The following MLLT3 variants were observed in gnomAD, a reference collection of about 807,000 sequenced individuals.
The protein encoded by MLLT3 is MLLT3 super elongation complex subunit, also known as protein AF-9.
A neutral mutation model predicts 53.2 loss-of-function variants in MLLT3; 4 were observed. The observed-to-expected ratio is 0.08, with a 90% CI of 0.04 to 0.17. The LOEUF (loss-of-function observed/expected upper bound fraction) is 0.17, where lower values mean the gene tolerates loss of function less well. MLLT3 is among the 10% of genes least tolerant of loss of function. The pLI is 1.00. For missense variants in MLLT3, 569 were observed against 684.0 expected, an observed-to-expected ratio of 0.83 and a Z score of 1.87; for synonymous variants, 283 against 230.6, an observed-to-expected ratio of 1.23 and a Z score of -2.06.
intron 2 of MLLT3, among the ~76,000 whole-genome samples, chr9:20,609,344 G>A (rs775901794): frequency 6.6e-6 from 1 of 151,968 alleles, no homozygotes; most frequent in Non-Finnish European, 1.5e-5. Flanking sequence ...ATTCTTATAT[G>A]TATGTATGCA....
intron 4 of MLLT3, among the ~76,000 whole-genome samples, chr9:20,421,131 GC>G (rs1300946113): frequency 6.6e-6 from 1 of 152,100 alleles, no homozygotes; most frequent in African/African-American, 2.4e-5. Flanking sequence ...GGGCCAGGTG[GC>G]GAGGGCCTGT....
intron 2 of MLLT3, among the ~76,000 whole-genome samples, chr9:20,550,043 C>T (rs138782848): frequency 6.6e-6 from 1 of 152,198 alleles, no homozygotes; most frequent in Admixed American, 6.5e-5. Flanking sequence ...CTTCTAATAT[C>T]ATGAACTCCA....
intron 4 of MLLT3, among the ~76,000 whole-genome samples, chr9:20,436,385 C>A (rs1823404486): frequency 6.6e-6 from 1 of 152,080 alleles, no homozygotes; most frequent in South Asian, 2.1e-4. Context: ...ATTGTATTTT[C>A]AGAAGCAAGA....
chr9:20,484,200 C>A (rs1025293715), intron 2 of MLLT3, among the ~76,000 whole-genome samples: 2 of 152,036 alleles, frequency 1.3e-5, no homozygotes, highest in African/African-American at 4.8e-5. Context: ...TCCAGTCAAG[C>A]CGGTAATGGA....
chr9:20,489,471 T>C (rs1824893594), intron 2 of MLLT3, among the ~76,000 whole-genome samples: 1 of 152,166 alleles, frequency 6.6e-6, no homozygotes, highest in Non-Finnish European at 1.5e-5. Flanking sequence ...CATCCACAGA[T>C]GGTAAGAGAA....
intron 2 of MLLT3, among the ~76,000 whole-genome samples, chr9:20,524,116 T>C (rs774362479): frequency 3.9e-5 from 6 of 152,078 alleles, no homozygotes; most frequent in Non-Finnish European, 8.8e-5. Context: ...TAATGGTGGA[T>C]AGATGTCATT....
intron 5 of MLLT3, among the ~76,000 whole-genome samples, chr9:20,394,401 T>C (rs1325381338): frequency 1.3e-5 from 2 of 152,210 alleles, no homozygotes; most frequent in Admixed American, 1.3e-4. Flanking sequence ...ACCTAGACAC[T>C]GAGCCAATTA....
chr9:20,394,944 C>T (rs755683638), intron 5 of MLLT3, among the ~76,000 whole-genome samples: 2 of 152,016 alleles, frequency 1.3e-5, no homozygotes, highest in African/African-American at 2.4e-5. Context: ...AAGAGGTTTC[C>T]GTCCAAGGTG....
intron 2 of MLLT3, among the ~76,000 whole-genome samples, chr9:20,517,754 T>C (rs1218928699): frequency 6.6e-6 from 1 of 152,050 alleles, no homozygotes; most frequent in Non-Finnish European, 1.5e-5. Flanking sequence ...GAAAAATTGC[T>C]TGAACCTGGA....
rs184159821 is a variant in MLLT3, at chr9:20,590,126, C to G, written c.193+30528G>C. ...TAGAAGTTGGAAAATCTTTTTCTAC[C>G]TTTCCTTTCACCAACCACTCTAACT... On this transcript the variant is annotated intron_variant, in intron 2 of 10. Transcript: ENST00000380338. Among the ~76,000 whole-genome samples the G allele has an allele frequency of 3.9e-3, 599 of 152,250 alleles. 6 individuals are homozygous for G. The highest frequency in any genetic ancestry group is 0.014 in the African/African-American group (577 of 41,536).
chr9:20,423,590 A>G (rs1823069281), intron 4 of MLLT3, among the ~76,000 whole-genome samples: 2 of 151,822 alleles, frequency 1.3e-5, no homozygotes, highest in African/African-American at 4.8e-5. Context: ...AGGAAGGAGG[A>G]TCACTTGAGC....
chr9:20,418,831 C>G (rs1481689288), intron 4 of MLLT3, among the ~76,000 whole-genome samples: 1 of 152,110 alleles, frequency 6.6e-6, no homozygotes, highest in African/African-American at 2.4e-5. Flanking sequence ...TCCCAGCACT[C>G]AGAAGGCACT....
At chr9:20,526,103 G>A (rs1164074272) in intron 2 of MLLT3, among the ~76,000 whole-genome samples, 1 of 152,118 alleles carries the variant, frequency 6.6e-6, no homozygotes, top group Non-Finnish European at 1.5e-5. Flanking sequence ...TAAAAATCAC[G>A]TAAAACCAAA....
At chr9:20,458,015 A>G (rs1824013498) in intron 2 of MLLT3, among the ~76,000 whole-genome samples, 2 of 152,142 alleles carry the variant, frequency 1.3e-5, no homozygotes, top group African/African-American at 2.4e-5. Context: ...CCTCTGCTTC[A>G]TTCCAATGCA....
At chr9:20,398,135 C>T (rs1346229077) in intron 5 of MLLT3, among the ~76,000 whole-genome samples, 1 of 152,018 alleles carries the variant, frequency 6.6e-6, no homozygotes, top group East Asian at 1.9e-4. Flanking sequence ...GACAGGGTCT[C>T]ACTCAGGCTG....
chr9:20,435,854 G>A (rs1290867082), intron 4 of MLLT3, among the ~76,000 whole-genome samples: 1 of 152,076 alleles, frequency 6.6e-6, no homozygotes, highest in South Asian at 2.1e-4. Flanking sequence ...TGTCTTATCG[G>A]TCCTAGATTC....
chr9:20,387,341 G>A (rs998563539), intron 5 of MLLT3, among the ~76,000 whole-genome samples: 1 of 152,188 alleles, frequency 6.6e-6, no homozygotes, highest in African/African-American at 2.4e-5. Flanking sequence ...TGGGTACTTA[G>A]TACAGCAATA....
rs530365052 is a variant in MLLT3, at chr9:20,611,546, G to C, written c.193+9108C>G. On this transcript the variant is annotated intron_variant, in intron 2 of 10. Transcript: ENST00000380338. Reference sequence around the variant, plus strand: ...TTTAAAATAGAAAAAAATTAACTTGGCTTTGAGAATATCAACCTTCTAATA... The same window carrying C: ...TTTAAAATAGAAAAAAATTAACTTGCCTTTGAGAATATCAACCTTCTAATA... Among the ~76,000 whole-genome samples the C allele has an allele frequency of 1.8e-4, 28 of 152,030 alleles. No individual in the cohort carries two copies. In the South Asian group the frequency reaches 5.4e-3, roughly 29 times the overall value.
chr9:20,448,054 T>G lies in MLLT3; in HGVS notation c.420+69A>C. 1.3e-6 allele frequency: 2 copies of G among 1,510,670 alleles called. No individual in the cohort carries two copies. Among genetic ancestry groups the G allele is most frequent in the African/African-American group, 3.0e-5 (2 of 66,296 alleles). 93.6% of individuals were successfully genotyped at this position (1,510,670 alleles called of 1,614,324 possible). ...ACTTTTTAACACATGAGGAACTAGT[T>G]TGTTTGTTTTTTTTTTTGTTGTTGT... On this transcript the variant is annotated intron_variant, in intron 4 of 10. Coordinates refer to ENST00000380338, the MANE Select transcript of MLLT3 (RefSeq NM_004529.4). The surrounding 1 kb of genome is among the most constrained non-coding windows in gnomAD (Gnocchi z 4.0).
Sources: gnomAD v4.1 joint callset for allele counts (sites outside exome capture counted in the v4.1 genomes callset) on GRCh38, gnomAD v4.1.1 for gene constraint, Gnocchi (gnomAD v3.1) non-coding constraint, MANE v1.5 for transcripts, NCBI Gene and HGNC (gene_info 2026-07-23, HGNC 2026-07-21) for gene names.